The following FARS2 variants were observed in gnomAD, a reference collection of about 807,000 sequenced individuals.
The protein encoded by FARS2 is phenylalanyl-tRNA synthetase 2, mitochondrial, also known as phenylalanine--tRNA ligase, mitochondrial.
A neutral mutation model predicts 46.4 loss-of-function variants in FARS2; 40 were observed. The ratio of observed to expected loss-of-function variants is 0.86; its 90% CI spans 0.67 to 1.12. The LOEUF is 1.12. Ranked by LOEUF, FARS2 falls within the 50% of genes most tolerant of loss-of-function variation. The pLI, the probability that FARS2 is intolerant of heterozygous loss-of-function variation, is 0.00. For synonymous variants in FARS2, 234 were observed against 214.9 expected, an observed-to-expected ratio of 1.09 and a Z score of -0.78; for missense variants, 513 against 567.9, an observed-to-expected ratio of 0.90 and a Z score of 0.98.
intron 3 of FARS2, among the ~76,000 whole-genome samples, chr6:5,410,321 T>C (rs1761872285): frequency 6.6e-6 from 1 of 151,642 alleles, no homozygotes; most frequent in South Asian, 2.1e-4. Context: ...ACCTGGCTAC[T>C]TTTTTGTATT....
chr6:5,596,869 T>G (rs956141716), intron 5 of FARS2, among the ~76,000 whole-genome samples: 1 of 152,200 alleles, frequency 6.6e-6, no homozygotes, highest in Admixed American at 6.5e-5. Flanking sequence ...TCACTTATAA[T>G]CTTTGTTAGG....
chr6:5,570,757 A>G (rs944688803), intron 5 of FARS2, among the ~76,000 whole-genome samples: 14 of 151,542 alleles, frequency 9.2e-5, no homozygotes, highest in Non-Finnish European at 1.6e-4. Flanking sequence ...AATAGATGCT[A>G]GAACTGGAAC....
At position 5,265,798 on chromosome 6, in the gene FARS2, C is replaced by T. The variant is rs149195811; in HGVS notation, c.-22+4138C>T. Among the ~76,000 whole-genome samples, 514 of 152,314 alleles carry T rather than the reference C, an allele frequency of 3.4e-3. 6 individuals are homozygous for T. Among genetic ancestry groups the T allele is most frequent in the African/African-American group, 0.012 (498 of 41,550 alleles). ...GGTGAAAACAGCAATAACTTTTCTA[C>T]CATCCTGTACAAAGGGCTGCTGAAG... On this transcript the variant is annotated intron_variant, in intron 1 of 6. Transcript: ENST00000274680.
intron 6 of FARS2, among the ~76,000 whole-genome samples, chr6:5,690,785 C>A (rs376835051): frequency 6.6e-5 from 10 of 152,212 alleles, no homozygotes; most frequent in African/African-American, 2.4e-4. Context: ...TAATATCCTG[C>A]GGAGTGTTTT....
intron 6 of FARS2, among the ~76,000 whole-genome samples, chr6:5,638,304 C>G (rs900559324): frequency 1.3e-5 from 2 of 152,250 alleles, no homozygotes; most frequent in Non-Finnish European, 2.9e-5. Flanking sequence ...GTGGCTCACG[C>G]CTGTCATCCC....
rs951804937 is a variant in FARS2, at chr6:5,368,474, G to T, written c.-21-76G>T. On this transcript the variant is annotated intron_variant, in intron 1 of 6. Transcript: ENST00000274680. ...ATGCCAGTAGGACAAGAGGGAGCTG[G>T]TGGGAGATGCAAAGAACACACTTGC... 11 of 1,301,032 alleles carry T rather than the reference G, an allele frequency of 8.5e-6. No homozygotes were observed. In the Admixed American group the frequency reaches 8.7e-5, roughly 10 times the overall value. The allele number at this position is 1,301,032 out of a possible 1,614,324, so 80.6% of individuals were successfully genotyped here. A position where few individuals can be genotyped will look rare whatever the true frequency, so the allele number is the denominator to read the frequency against.
intron 6 of FARS2, among the ~76,000 whole-genome samples, chr6:5,650,822 C>A (rs1050463370): frequency 1.3e-5 from 2 of 152,166 alleles, no homozygotes; most frequent in Admixed American, 6.5e-5. Context: ...GGAAGAGGCC[C>A]CACGTTTCCC....
intron 4 of FARS2, among the ~76,000 whole-genome samples, chr6:5,508,777 A>G (rs902710217): frequency 6.6e-6 from 1 of 152,354 alleles, no homozygotes; most frequent in Non-Finnish European, 1.5e-5. Context: ...AGCCGTACGC[A>G]GGGCGGACTG....
At chr6:5,334,326 G>A (rs534402600) in intron 1 of FARS2, among the ~76,000 whole-genome samples, 41 of 152,278 alleles carry the variant, frequency 2.7e-4, no homozygotes, top group Non-Finnish European at 4.4e-5. Context: ...GGCCCTATCT[G>A]TTAAAATGTA....
chr6:5,411,122 C>A (rs1484127642), intron 3 of FARS2, among the ~76,000 whole-genome samples: 1 of 152,066 alleles, frequency 6.6e-6, no homozygotes, highest in Non-Finnish European at 1.5e-5. Context: ...ACAACAACAA[C>A]AAAAATCAGG....
intron 2 of FARS2, among the ~76,000 whole-genome samples, chr6:5,393,219 G>C (rs1760684252): frequency 6.6e-6 from 1 of 151,870 alleles, no homozygotes; most frequent in Admixed American, 6.6e-5. Context: ...TAGACTCTCA[G>C]GATTATTATA....
intron 4 of FARS2, among the ~76,000 whole-genome samples, chr6:5,480,700 C>T (rs747594523): frequency 1.6e-4 from 25 of 152,084 alleles, no homozygotes; most frequent in Non-Finnish European, 3.4e-4. Flanking sequence ...GCCACTCTGT[C>T]CCCTTCCCTC....
intron 6 of FARS2, among the ~76,000 whole-genome samples, chr6:5,722,885 A>G (rs7741438): frequency 0.58 from 88,517 of 151,926 alleles, 26,274 homozygotes; most frequent in East Asian, 0.83. Flanking sequence ...AAATATAAGT[A>G]AAAAAGAAAA....
At chr6:5,449,897 G>T (rs2150261737) in intron 4 of FARS2, among the ~76,000 whole-genome samples, 1 of 152,232 alleles carries the variant, frequency 6.6e-6, no homozygotes, top group Non-Finnish European at 1.5e-5. Context: ...CGAAAATATG[G>T]TCATCCCTTG....
chr6:5,709,624 A>T (rs553188941), intron 6 of FARS2, among the ~76,000 whole-genome samples: 2 of 151,838 alleles, frequency 1.3e-5, no homozygotes, highest in Admixed American at 1.3e-4. Flanking sequence ...AGACAATGAC[A>T]TTGAGACCAA....
At chr6:5,341,216 TATATATATATATATATA>T (rs1339758332) in intron 1 of FARS2, among the ~76,000 whole-genome samples, 25 of 6,942 alleles carry the variant, frequency 3.6e-3, no homozygotes, top group East Asian at 0.01. Context: ...TATATATATA[TATATATATATATATATA>T]TATTTTTTTT....
At chr6:5,252,834 C>CA in the FARS2 span, among the ~76,000 whole-genome samples, 1 of 152,108 alleles carries the variant, frequency 6.6e-6, no homozygotes, top group East Asian at 1.9e-4. Context: ...ATGAGAGGAA[C>CA]ACCGAGACTC....
At chr6:5,351,636 A>G (rs540124581) in intron 1 of FARS2, among the ~76,000 whole-genome samples, 2 of 152,360 alleles carry the variant, frequency 1.3e-5, no homozygotes, top group East Asian at 3.9e-4. Context: ...ATGGATTGCC[A>G]TAATCTCATA....
At chr6:5,704,595 A>G (rs569583308) in intron 6 of FARS2, among the ~76,000 whole-genome samples, 40 of 152,320 alleles carry the variant, frequency 2.6e-4, no homozygotes, top group Non-Finnish European at 5.1e-4. Flanking sequence ...CTTTGCAACA[A>G]TGGTTGGATC....
Sources: gnomAD v4.1 joint callset for allele counts (sites outside exome capture counted in the v4.1 genomes callset) on GRCh38, gnomAD v4.1.1 for gene constraint, MANE v1.5 for transcripts, NCBI Gene and HGNC (gene_info 2026-07-23, HGNC 2026-07-21) for gene names.